The following TMTC1 variants were observed in gnomAD, a reference collection of about 807,000 sequenced individuals.
TMTC1 encodes protein O-mannosyl-transferase TMTC1.
TMTC1 carries 73 observed loss-of-function variants against 104.8 expected under a neutral mutation model. That is an observed-to-expected ratio of 0.70 (90% CI 0.58 to 0.85). The LOEUF (loss-of-function observed/expected upper bound fraction) is 0.85, where lower values mean the gene tolerates loss of function less well. TMTC1 is among the 40% of genes least tolerant of loss of function. The pLI, the probability that TMTC1 is intolerant of heterozygous loss-of-function variation, is 0.00. For synonymous variants in TMTC1, 434 were observed against 428.7 expected (o/e 1.01, Z -0.15); for missense variants, 1,035 against 1,096.1 (o/e 0.94, Z 0.79).
chr12:29,727,873 C>A (rs1169929394), intron 5 of TMTC1, among the ~76,000 whole-genome samples: 2 of 152,102 alleles, frequency 1.3e-5, no homozygotes, highest in African/African-American at 4.8e-5. Flanking sequence ...TCACTGCAGC[C>A]TTGAACTCCT....
intron 7 of TMTC1, among the ~76,000 whole-genome samples, chr12:29,584,555 T>C (rs1457983250): frequency 6.6e-6 from 1 of 152,166 alleles, no homozygotes; most frequent in Non-Finnish European, 1.5e-5. Context: ...ACTCGTCATT[T>C]AGCATTAGGT....
At chr12:29,633,047 G>T in intron 6 of TMTC1, 100 bp downstream of exon 6, 1 of 1,098,568 alleles carries the variant, frequency 9.1e-7, no homozygotes, top group Non-Finnish European at 1.3e-6. Flanking sequence ...AAGGAGAGGA[G>T]ATTCAATTTA....
intron 7 of TMTC1, among the ~76,000 whole-genome samples, chr12:29,601,300 G>A (rs547628078): frequency 4.6e-5 from 7 of 152,192 alleles, no homozygotes; most frequent in Admixed American, 6.5e-5. Flanking sequence ...ATGAGCTTCC[G>A]TAACATTTAC....
Position 29,556,878 on chromosome 12 carries a change from A to G in TMTC1, c.1655T>C (p.Phe552Ser), listed in dbSNP as rs1181450131. The G allele has an allele frequency of 6.2e-7, 1 of 1,614,120 alleles. No homozygotes were observed. Among genetic ancestry groups the G allele is most frequent in the South Asian group, 1.1e-5 (1 of 91,082 alleles). The change falls in exon 10 of 18, where the codon TTC (phenylalanine) becomes TCC (serine). Residue 552 changes from phenylalanine to serine, a missense_variant. Transcript: ENST00000539277. ...QLHPQHNRALFNLGNLLKSQE... is the reference protein window; with the variant it reads ...QLHPQHNRALSNLGNLLKSQE... ...TTACTTGAGGAGATTCCCCAGATTGAAAAGAGCCCGGTTATGCTGTGGATG... is the reference window on the plus strand; with the variant it reads ...TTACTTGAGGAGATTCCCCAGATTGGAAAGAGCCCGGTTATGCTGTGGATG...
At chr12:29,668,348 A>T (rs538301911) in intron 5 of TMTC1, among the ~76,000 whole-genome samples, 2 of 152,154 alleles carry the variant, frequency 1.3e-5, no homozygotes, top group African/African-American at 4.8e-5. Context: ...AAGGGCGTTG[A>T]CTAATGCACC....
At chr12:29,732,183 A>G (rs994234098) in intron 5 of TMTC1, among the ~76,000 whole-genome samples, 8 of 152,218 alleles carry the variant, frequency 5.3e-5, no homozygotes, top group African/African-American at 1.9e-4. Context: ...GTAAAGCAAT[A>G]CTAAATTCAC....
chr12:29,730,878 T>C (rs190691474), intron 5 of TMTC1, among the ~76,000 whole-genome samples: 1 of 152,266 alleles, frequency 6.6e-6, no homozygotes, highest in Non-Finnish European at 1.5e-5. Flanking sequence ...GGTATTTTTG[T>C]TAGTGTTTGT....
intron 5 of TMTC1, among the ~76,000 whole-genome samples, chr12:29,732,533 T>C (rs76416157): frequency 0.018 from 2,716 of 152,336 alleles, 76 homozygotes; most frequent in African/African-American, 0.061. Flanking sequence ...AATCCCATTG[T>C]AGACCTGGTC....
At chr12:29,600,797 G>C in intron 7 of TMTC1, among the ~76,000 whole-genome samples, 1 of 152,192 alleles carries the variant, frequency 6.6e-6, no homozygotes, top group East Asian at 1.9e-4. Context: ...TCTCCGGAGG[G>C]GGAAAGTAGC....
In TMTC1 at chr12:29,686,264, C is replaced by T. The variant is rs1448621485; in HGVS notation, c.939-52928G>A. 3.3e-5 allele frequency among the ~76,000 whole-genome samples: 5 copies of T among 152,272 alleles called. No homozygotes were observed. In the East Asian group the frequency reaches 7.7e-4, roughly 23 times the overall value. On this transcript the variant is annotated intron_variant, in intron 5 of 17. Transcript: ENST00000539277. ...TCTGTGGCTTTTCTTCCATCTACCCCTAATACTGAAACTCCAGATTTCTTT... is the reference window on the plus strand; with the variant it reads ...TCTGTGGCTTTTCTTCCATCTACCCTTAATACTGAAACTCCAGATTTCTTT...
chr12:29,512,984 T>A (rs1426534475), intron 16 of TMTC1, among the ~76,000 whole-genome samples: 6 of 152,172 alleles, frequency 3.9e-5, no homozygotes, highest in Non-Finnish European at 8.8e-5. Flanking sequence ...TCCATTCTCC[T>A]CTACTTCAGT....
chr12:29,519,069 T>C (rs1017452955), intron 12 of TMTC1: 1 of 152,694 alleles, frequency 6.5e-6, no homozygotes, highest in Admixed American at 6.5e-5. Context: ...AATTGAAGCA[T>C]TACTTTAAAT....
intron 5 of TMTC1, among the ~76,000 whole-genome samples, chr12:29,650,413 G>A (rs764734548): frequency 6.6e-6 from 1 of 151,916 alleles, no homozygotes; most frequent in Non-Finnish European, 1.5e-5. Context: ...TTTGACTTCT[G>A]TGAACTGTCA....
intron 6 of TMTC1, among the ~76,000 whole-genome samples, chr12:29,622,893 C>T (rs970471649): frequency 6.6e-6 from 1 of 152,200 alleles, no homozygotes; most frequent in African/African-American, 2.4e-5. Flanking sequence ...TAAACTACTC[C>T]ATGAGGTCTT....
intron 5 of TMTC1, among the ~76,000 whole-genome samples, chr12:29,716,710 GAAT>G (rs1229788334): frequency 6.6e-6 from 1 of 152,028 alleles, no homozygotes; most frequent in Non-Finnish European, 1.5e-5. Flanking sequence ...AATGGAAAAA[GAAT>G]AATATAAAAT....
At chr12:29,594,750 G>T (rs1004812350) in intron 7 of TMTC1, among the ~76,000 whole-genome samples, 2 of 152,170 alleles carry the variant, frequency 1.3e-5, no homozygotes, top group South Asian at 4.1e-4. Context: ...TGGGTGTGTA[G>T]CATCTGCAAT....
At chr12:29,676,385 G>T (rs552150960) in intron 5 of TMTC1, among the ~76,000 whole-genome samples, 1 of 152,122 alleles carries the variant, frequency 6.6e-6, no homozygotes, top group South Asian at 2.1e-4. Context: ...CAATTTTCTG[G>T]GTCCTATCAC....
chr12:29,508,400 A>G (rs1449617930), intron 17 of TMTC1, among the ~76,000 whole-genome samples: 1 of 152,212 alleles, frequency 6.6e-6, no homozygotes, highest in Non-Finnish European at 1.5e-5. Flanking sequence ...TCTGGGTCTA[A>G]GAGTGCTCTC....
chr12:29,664,047 C>G (rs919229357), intron 5 of TMTC1, among the ~76,000 whole-genome samples: 1 of 150,838 alleles, frequency 6.6e-6, no homozygotes, highest in Non-Finnish European at 1.5e-5. Context: ...ATTAGCCGGG[C>G]GTAGTGGCGG....
Sources: allele counts gnomAD v4.1 joint callset (sites outside exome capture counted in the v4.1 genomes callset), GRCh38; gene constraint gnomAD v4.1.1; transcripts MANE v1.5; gene names NCBI Gene and HGNC (gene_info 2026-07-23, HGNC 2026-07-21).